Variants in DNAH11 observed in about 807,000 individuals in gnomAD.
DNAH11 encodes the protein dynein axonemal heavy chain 11, also known as axonemal beta dynein heavy chain 11.
In DNAH11, 442 loss-of-function variants were observed where a neutral mutation model predicts 526.0. The observed-to-expected ratio is 0.84, with a 90% CI of 0.78 to 0.91. The LOEUF is 0.91. Among genes scored for constraint, DNAH11 ranks in the 40% least tolerant of loss-of-function variants. The probability of loss-of-function intolerance (pLI) is 0.00; values close to 1 mark genes in which losing one functional copy is unlikely to be tolerated. For missense variants in DNAH11, 6,989 were observed against 5,448.7 expected, an observed-to-expected ratio of 1.28 and a Z score of -8.90; for synonymous variants, 2,461 against 1,935.9, an observed-to-expected ratio of 1.27 and a Z score of -7.12.
chr7:21,779,971 A>G (rs370823060), intron 57 of DNAH11, among the ~76,000 whole-genome samples: 36 of 152,240 alleles, frequency 2.4e-4, no homozygotes, highest in African/African-American at 8.4e-4. Flanking sequence ...GTTACCTGAA[A>G]ATATTTGAGT....
At chr7:21,784,637 CA>C in intron 58 of DNAH11, 97 bp downstream of exon 58, 1 of 771,476 alleles carries the variant, frequency 1.3e-6, no homozygotes. Context: ...CCATTACAGC[CA>C]AAAAGTATTT....
intron 11 of DNAH11, 76 bp from the exon 12 acceptor site, chr7:21,589,132 T>G: frequency 9.0e-7 from 1 of 1,113,000 alleles, no homozygotes; most frequent in Non-Finnish European, 1.2e-6. Flanking sequence ...TTTTATATAT[T>G]GTATTACTAT....
intron 76 of DNAH11, among the ~76,000 whole-genome samples, chr7:21,885,173 A>T (rs963993098): frequency 6.9e-6 from 1 of 145,148 alleles, no homozygotes; most frequent in African/African-American, 2.5e-5. Flanking sequence ...ATGAACTATA[A>T]AAAAAAAAAA....
intron 66 of DNAH11, among the ~76,000 whole-genome samples, chr7:21,850,605 CTTCTT>C (rs1782594266): frequency 3.6e-5 from 3 of 82,802 alleles, no homozygotes; most frequent in African/African-American, 9.7e-5. Flanking sequence ...GTTCTGTCTT[CTTCTT>C]TTTTTTTTTT....
chr7:21,776,158 C>T (rs1464646069), intron 56 of DNAH11, among the ~76,000 whole-genome samples: 3 of 152,144 alleles, frequency 2.0e-5, no homozygotes, highest in African/African-American at 7.2e-5. Flanking sequence ...CTGCCAAGTC[C>T]AGGGCTGCTT....
At chr7:21,807,328 G>T (rs551326538) in intron 62 of DNAH11, among the ~76,000 whole-genome samples, 2 of 152,036 alleles carry the variant, frequency 1.3e-5, no homozygotes, top group African/African-American at 2.4e-5. Flanking sequence ...GTGAAGCCCC[G>T]TCTCTACAAA....
intron 2 of DNAH11, among the ~76,000 whole-genome samples, chr7:21,556,520 T>G (rs1239306971): frequency 6.6e-6 from 1 of 152,220 alleles, no homozygotes; most frequent in Non-Finnish European, 1.5e-5. Flanking sequence ...CTAAACTTTT[T>G]TCTTTCCAAT....
chr7:21,895,259 CCTGT>C lies in DNAH11; in HGVS notation c.13049+263_13049+266del, dbSNP rs1309222124. ...TGATACATGATCTTAGACAAAATAA[CCTGT>C]CTCTTTTTTAAATCTGAAAAATGTA... On this transcript the variant is annotated intron_variant, in intron 79 of 81. Transcript: ENST00000409508. Among the ~76,000 whole-genome samples, 4 of 152,290 alleles carry C rather than the reference CCTGT, an allele frequency of 2.6e-5. No individual in the cohort carries two copies. The East Asian group carries it at 5.8e-4, about 22-fold the overall frequency.
At chr7:21,855,647 C>T (rs2040663) in intron 68 of DNAH11, among the ~76,000 whole-genome samples, 105,164 of 152,016 alleles carry the variant, frequency 0.69, 36,664 homozygotes, top group Middle Eastern at 0.76. Flanking sequence ...CCAAAGCCCA[C>T]GCTCCATACC....
At chr7:21,599,511 C>T (rs989855455) in intron 14 of DNAH11, among the ~76,000 whole-genome samples, 1 of 152,210 alleles carries the variant, frequency 6.6e-6, no homozygotes, top group African/African-American at 2.4e-5. Flanking sequence ...TCACTGGGAA[C>T]TAGTGTATTT....
chr7:21,775,264 T>A (rs575751143), intron 56 of DNAH11, among the ~76,000 whole-genome samples: 1 of 152,102 alleles, frequency 6.6e-6, no homozygotes, highest in South Asian at 2.1e-4. Flanking sequence ...AAGAATAGTT[T>A]CTAGGAAACC....
chr7:21,850,540 C>G (rs1173125802), intron 66 of DNAH11, among the ~76,000 whole-genome samples: 1 of 125,546 alleles, frequency 8.0e-6, no homozygotes, highest in African/African-American at 5.0e-5. Flanking sequence ...TTTTTAACTC[C>G]CAGTTTGATA....
intron 75 of DNAH11, 115 bp downstream of exon 75, chr7:21,881,008 C>T (rs1398186035): frequency 3.2e-6 from 3 of 933,842 alleles, no homozygotes; most frequent in Non-Finnish European, 4.6e-6. Flanking sequence ...AAATAGCTGA[C>T]ACTATGTATG....
intron 65 of DNAH11, 80 bp from the exon 66 acceptor site, chr7:21,842,464 A>G: frequency 8.2e-7 from 1 of 1,216,694 alleles, no homozygotes; most frequent in Non-Finnish European, 1.1e-6. Context: ...CCATTATAAG[A>G]ATACAGGAAT....
chr7:21,820,788 C>G (rs1790019215), intron 65 of DNAH11, among the ~76,000 whole-genome samples: 1 of 152,158 alleles, frequency 6.6e-6, no homozygotes, highest in Non-Finnish European at 1.5e-5. Context: ...TTGTTTTTAA[C>G]TAAGGGACCA....
intron 42 of DNAH11, among the ~76,000 whole-genome samples, chr7:21,716,151 A>G (rs563627317): frequency 1.3e-5 from 2 of 152,194 alleles, no homozygotes; most frequent in East Asian, 3.9e-4. Flanking sequence ...CTGCTCCCAC[A>G]GAAACCTGGA....
intron 55 of DNAH11, among the ~76,000 whole-genome samples, chr7:21,772,999 T>C (rs1357526509): frequency 6.6e-6 from 1 of 152,242 alleles, no homozygotes; most frequent in African/African-American, 2.4e-5. Context: ...GTGTAGCTCA[T>C]TTAATTCATA....
chr7:21,816,846 T>C, intron 64 of DNAH11, 144 bp downstream of exon 64: 1 of 691,078 alleles, frequency 1.4e-6, no homozygotes, highest in Non-Finnish European at 2.5e-6. Flanking sequence ...CCTGTTCATG[T>C]TTCATATAAA....
At chr7:21,829,299 T>C (rs973961841) in intron 65 of DNAH11, among the ~76,000 whole-genome samples, 1 of 150,074 alleles carries the variant, frequency 6.7e-6, no homozygotes, top group African/African-American at 2.4e-5. Flanking sequence ...TCTCTTTACC[T>C]TGACAAAATG....
Sources: allele counts gnomAD v4.1 joint callset (sites outside exome capture counted in the v4.1 genomes callset), GRCh38; gene constraint gnomAD v4.1.1; transcripts MANE v1.5; gene names NCBI Gene and HGNC (gene_info 2026-07-23, HGNC 2026-07-21).